The following FUT9 variants were observed in gnomAD, a reference collection of about 807,000 sequenced individuals.
The protein encoded by FUT9 is 4-galactosyl-N-acetylglucosaminide 3-alpha-L-fucosyltransferase 9.
A neutral mutation model predicts 29.7 loss-of-function variants in FUT9; 15 were observed. The observed-to-expected ratio is 0.51, with a 90% CI of 0.34 to 0.78. The LOEUF (loss-of-function observed/expected upper bound fraction) is 0.78. Ranked by LOEUF, FUT9 falls within the 30% of genes least tolerant of loss-of-function variation. FUT9 has a pLI of 0.01. For synonymous variants in FUT9, 169 were observed against 153.7 expected (o/e 1.10, Z -0.74); for missense variants, 319 against 425.4 (o/e 0.75, Z 2.20).
At chr6:96,108,530 C>T (rs917323284) in intron 1 of FUT9, among the ~76,000 whole-genome samples, 4 of 152,104 alleles carry the variant, frequency 2.6e-5, no homozygotes, top group South Asian at 2.1e-4. Flanking sequence ...TTTATCACTA[C>T]GTGTTATTAT....
chr6:96,161,564 T>G (rs2127980058), intron 2 of FUT9, among the ~76,000 whole-genome samples: 1 of 152,326 alleles, frequency 6.6e-6, no homozygotes, highest in Non-Finnish European at 1.5e-5. Context: ...TTTTGACATC[T>G]TTTGAAGAAT....
chr6:96,031,057 A>G (rs563703413), intron 1 of FUT9, among the ~76,000 whole-genome samples: 1 of 151,630 alleles, frequency 6.6e-6, no homozygotes, highest in South Asian at 2.1e-4. Flanking sequence ...GCCACTTTAA[A>G]AAGATTAATA....
Position 96,173,670 on chromosome 6 carries a change from A to C in FUT9, c.-8-29478A>C, listed in dbSNP as rs546437587. ...AAATACTCTTACATCTGTCTTATAA[A>C]GGTAAGAATTTGGCAAGATGAAACA... On this transcript the variant is annotated intron_variant, in intron 2 of 2. Transcript: ENST00000302103. Among the ~76,000 whole-genome samples, 5 of 152,216 alleles carry C rather than the reference A, an allele frequency of 3.3e-5. No homozygotes were observed. In the South Asian group the frequency reaches 1.0e-3, roughly 32 times the overall value.
At chr6:96,125,685 CT>C (rs1772121037) in intron 2 of FUT9, among the ~76,000 whole-genome samples, 1 of 152,128 alleles carries the variant, frequency 6.6e-6, no homozygotes, top group Admixed American at 6.5e-5. Flanking sequence ...CACCTGCACC[CT>C]CAGAGCCCCA....
At chr6:96,136,385 T>C (rs1360849044) in intron 2 of FUT9, among the ~76,000 whole-genome samples, 2 of 151,918 alleles carry the variant, frequency 1.3e-5, no homozygotes, top group Admixed American at 6.6e-5. Flanking sequence ...CTAAAGAGGT[T>C]CTGAATGCTT....
chr6:96,161,700 C>T (rs577834496), intron 2 of FUT9, among the ~76,000 whole-genome samples: 75 of 152,240 alleles, frequency 4.9e-4, no homozygotes, highest in African/African-American at 1.8e-3. Context: ...TTTACATTTT[C>T]TGTTCAATAA....
At chr6:96,090,508 A>G (rs1408272851) in intron 1 of FUT9, among the ~76,000 whole-genome samples, 1 of 151,978 alleles carries the variant, frequency 6.6e-6, no homozygotes, top group African/African-American at 2.4e-5. Flanking sequence ...TACTATTTAT[A>G]TAGTAAAATA....
At chr6:96,119,150 C>T (rs1342870512) in intron 2 of FUT9, among the ~76,000 whole-genome samples, 1 of 152,170 alleles carries the variant, frequency 6.6e-6, no homozygotes, top group Non-Finnish European at 1.5e-5. Context: ...ACAGTAATGT[C>T]CTAGGCTTTC....
At chr6:96,198,556 C>T (rs370703618) in intron 2 of FUT9, among the ~76,000 whole-genome samples, 55 of 152,006 alleles carry the variant, frequency 3.6e-4, no homozygotes, top group East Asian at 3.9e-4. Context: ...TTTGCTATTG[C>T]GAATAATGCC....
chr6:96,145,437 T>A (rs1452964543), intron 2 of FUT9, among the ~76,000 whole-genome samples: 1 of 152,186 alleles, frequency 6.6e-6, no homozygotes, highest in Non-Finnish European at 1.5e-5. Context: ...GCACAGAGGA[T>A]ACAGCAGAGA....
chr6:96,209,090 C>T lies in FUT9; in HGVS notation c.*4855C>T, dbSNP rs1197767315. On this transcript the variant is annotated 3_prime_UTR_variant, in exon 3 of 3. Coordinates refer to ENST00000302103, the MANE Select transcript of FUT9 (RefSeq NM_006581.4). ...GGCTAAATCTGGAATGTGAGTGCTA[C>T]CCTAGGTTATTAGTTCAACAAACTA... is the stretch of plus-strand genomic sequence containing the variant. 6.0e-6 allele frequency: 1 copy of T among 166,718 alleles called. No homozygotes were observed. Among genetic ancestry groups the T allele is most frequent in the East Asian group, 1.9e-4 (1 of 5,178 alleles). 10.3% of individuals were successfully genotyped at this position (166,718 alleles called of 1,614,324 possible). A position where few individuals can be genotyped will look rare whatever the true frequency, so the allele number is the denominator to read the frequency against.
chr6:96,051,625 C>A (rs1483660530), intron 1 of FUT9, among the ~76,000 whole-genome samples: 1 of 151,802 alleles, frequency 6.6e-6, no homozygotes, highest in African/African-American at 2.4e-5. Flanking sequence ...TGCACTCCAG[C>A]CTTGGCAACA....
intron 1 of FUT9, among the ~76,000 whole-genome samples, chr6:96,085,569 C>T (rs1387885261): frequency 6.6e-6 from 1 of 152,080 alleles, no homozygotes. Flanking sequence ...TATAAGTTCC[C>T]TGGGAAGCCT....
intron 2 of FUT9, among the ~76,000 whole-genome samples, chr6:96,127,434 C>G (rs1290382417): frequency 6.6e-6 from 1 of 152,118 alleles, no homozygotes; most frequent in Non-Finnish European, 1.5e-5. Flanking sequence ...TTTATCCATT[C>G]TATCATTGAT....
chr6:96,135,405 T>A (rs1772328661), intron 2 of FUT9, among the ~76,000 whole-genome samples: 1 of 151,932 alleles, frequency 6.6e-6, no homozygotes, highest in South Asian at 2.1e-4. Context: ...CACTACTTAT[T>A]GGGCCCAAGA....
chr6:96,120,343 C>T (rs1213755072), intron 2 of FUT9, among the ~76,000 whole-genome samples: 1 of 146,960 alleles, frequency 6.8e-6, no homozygotes, highest in Non-Finnish European at 1.5e-5. Flanking sequence ...CGATCTCGGC[C>T]CAATGCAAAC....
At chr6:96,024,842 G>A (rs980858820) in intron 1 of FUT9, among the ~76,000 whole-genome samples, 8 of 151,732 alleles carry the variant, frequency 5.3e-5, no homozygotes, top group Admixed American at 5.3e-4. Context: ...CCAAATACTA[G>A]TCAATGCCTC....
chr6:96,203,314 C>T lies in FUT9; in HGVS notation c.159C>T (p.Phe53=). Residue 53 remains phenylalanine, a synonymous_variant, in exon 3 of 3, where the codon TTC becomes TTT. Coordinates refer to ENST00000302103, the MANE Select transcript of FUT9 (RefSeq NM_006581.4). ...GCTCTGTGCTGAAAATGAAAAACTT[C>T]TTTTCCACCAAAACTGATTATTTTA... ...SASSVLKMKN[F]FSTKTDYFNE... 4 of 1,613,892 alleles carry T rather than the reference C, an allele frequency of 2.5e-6. No homozygotes were observed. The highest frequency in any genetic ancestry group is 3.4e-6 in the Non-Finnish European group (4 of 1,179,886).
At chr6:96,110,953 G>A (rs1290219543) in intron 1 of FUT9, among the ~76,000 whole-genome samples, 1 of 152,014 alleles carries the variant, frequency 6.6e-6, no homozygotes. Context: ...ATGAGCGACT[G>A]TGCTTGGCCT....
Sources: allele counts gnomAD v4.1 joint callset (sites outside exome capture counted in the v4.1 genomes callset), GRCh38; gene constraint gnomAD v4.1.1; transcripts MANE v1.5; gene names NCBI Gene and HGNC (gene_info 2026-07-23, HGNC 2026-07-21).